The following MAST2 variants were observed in gnomAD, a reference collection of about 807,000 sequenced individuals.
MAST2 encodes microtubule associated serine/threonine kinase 2, also known as microtubule-associated serine/threonine-protein kinase 2.
In MAST2, 70 loss-of-function variants were observed where a neutral mutation model predicts 147.4. The observed-to-expected ratio is 0.47, with a 90% CI of 0.39 to 0.58. The LOEUF (loss-of-function observed/expected upper bound fraction) is 0.58, where lower values mean the gene tolerates loss of function less well. Among genes scored for constraint, MAST2 ranks in the 20% least tolerant of loss-of-function variants. The probability of loss-of-function intolerance (pLI) is 0.00; values close to 1 mark genes in which losing one functional copy is unlikely to be tolerated. For missense variants in MAST2, 2,080 were observed against 2,302.3 expected, an observed-to-expected ratio of 0.90 and a Z score of 1.98; for synonymous variants, 869 against 896.8, an observed-to-expected ratio of 0.97 and a Z score of 0.55.
chr1:46,019,571 T>G (rs754934628), intron 10 of MAST2, 25 bp from the exon 11 acceptor site: 1 of 1,598,322 alleles, frequency 6.3e-7, no homozygotes, highest in Non-Finnish European at 8.6e-7. Context: ...GCCAATAGAT[T>G]AAGCAACGCT....
chr1:45,805,052 ATTT>A (rs10681055), intron 1 of MAST2, among the ~76,000 whole-genome samples: 5 of 143,552 alleles, frequency 3.5e-5, no homozygotes, highest in African/African-American at 1.3e-4. Flanking sequence ...TTCCTTAGAC[ATTT>A]TTTTTTTTTT....
chr1:45,891,369 T>G (rs996664818), intron 4 of MAST2, among the ~76,000 whole-genome samples: 3 of 152,180 alleles, frequency 2.0e-5, no homozygotes, highest in African/African-American at 7.2e-5. Context: ...TGGTGGTGAC[T>G]GCCTGTAGTC....
chr1:45,997,867 C>T, intron 6 of MAST2, 68 bp downstream of exon 6: 1 of 1,259,576 alleles, frequency 7.9e-7, no homozygotes, highest in Non-Finnish European at 1.2e-6. Flanking sequence ...AATTGAATGT[C>T]AGATTCCTCC....
At chr1:46,001,159 G>A (rs1048703988) in intron 6 of MAST2, among the ~76,000 whole-genome samples, 8 of 152,298 alleles carry the variant, frequency 5.3e-5, no homozygotes, top group Admixed American at 2.6e-4. Flanking sequence ...TCTACCTGCT[G>A]GAACCAAGGC....
intron 4 of MAST2, among the ~76,000 whole-genome samples, chr1:45,898,763 G>T (rs889558217): frequency 6.6e-6 from 1 of 152,084 alleles, no homozygotes; most frequent in Non-Finnish European, 1.5e-5. Flanking sequence ...TACCTGAAAG[G>T]GTGCAAAAGG....
At chr1:46,000,139 C>T (rs571125268) in intron 6 of MAST2, among the ~76,000 whole-genome samples, 13 of 152,264 alleles carry the variant, frequency 8.5e-5, no homozygotes, top group African/African-American at 3.1e-4. Context: ...CATGGTGAAA[C>T]ACCATCTCTA....
chr1:46,008,278 C>G lies in MAST2; in HGVS notation c.903-18C>G. The G allele has an allele frequency of 1.3e-6, 2 of 1,574,220 alleles. No individual in the cohort carries two copies. The highest frequency in any genetic ancestry group is 1.7e-6 in the Non-Finnish European group (2 of 1,143,994). On this transcript the variant is annotated intron_variant, in intron 8 of 28. Transcript: ENST00000361297. Reference sequence around the variant, plus strand: ...TTCCATAGCACTAAAGTAACACAATCATTTCTTTCTTTTTTAGTCCCGGAC... The same window carrying G: ...TTCCATAGCACTAAAGTAACACAATGATTTCTTTCTTTTTTAGTCCCGGAC...
chr1:45,807,646 A>G (rs979408661), intron 1 of MAST2, among the ~76,000 whole-genome samples: 84 of 151,450 alleles, frequency 5.5e-4, no homozygotes, highest in African/African-American at 1.9e-3. Context: ...GGCTCAAGTG[A>G]TTCTCCAGCT....
intron 12 of MAST2, 121 bp from the exon 13 acceptor site, chr1:46,022,789 T>C (rs1198526193): frequency 5.2e-6 from 4 of 774,900 alleles, no homozygotes; most frequent in Non-Finnish European, 9.2e-6. Flanking sequence ...TGAATTCACA[T>C]CCTAGGCTGA....
At chr1:45,945,328 A>G (rs906430277) in intron 4 of MAST2, among the ~76,000 whole-genome samples, 1 of 152,208 alleles carries the variant, frequency 6.6e-6, no homozygotes, top group African/African-American at 2.4e-5. Context: ...TGATCATGGC[A>G]TGTGACAAAT....
intron 4 of MAST2, among the ~76,000 whole-genome samples, chr1:45,938,801 A>G (rs1174659488): frequency 6.6e-6 from 1 of 152,048 alleles, no homozygotes. Flanking sequence ...CATTTCCCTA[A>G]TGGGTAATGA....
chr1:45,927,480 C>G (rs1654571688), intron 4 of MAST2, among the ~76,000 whole-genome samples: 1 of 152,160 alleles, frequency 6.6e-6, no homozygotes, highest in Non-Finnish European at 1.5e-5. Context: ...TTCTCTTTCT[C>G]AGGGACGTTC....
At chr1:45,895,104 A>G (rs1447699960) in intron 4 of MAST2, among the ~76,000 whole-genome samples, 1 of 152,162 alleles carries the variant, frequency 6.6e-6, no homozygotes, top group Admixed American at 6.5e-5. Context: ...CCACTGATCT[A>G]TTGTTTGGCA....
chr1:45,962,065 C>T (rs1660502513), intron 5 of MAST2, among the ~76,000 whole-genome samples: 1 of 151,978 alleles, frequency 6.6e-6, no homozygotes, highest in African/African-American at 2.4e-5. Context: ...ATGATGGTTT[C>T]CAGCTTCATC....
intron 5 of MAST2, among the ~76,000 whole-genome samples, chr1:45,981,846 C>CTT (rs34353072): frequency 0.17 from 23,960 of 141,040 alleles, 2,145 homozygotes; most frequent in Middle Eastern, 0.19. Context: ...GTAATTTTGG[C>CTT]TTTTTTTTTT....
chr1:45,948,506 G>A (rs895691115), intron 4 of MAST2, among the ~76,000 whole-genome samples: 2 of 151,954 alleles, frequency 1.3e-5, no homozygotes, highest in Non-Finnish European at 2.9e-5. Context: ...AGGAGTTCAA[G>A]ACCAGCCTGG....
chr1:45,871,219 C>CTT (rs1430398502), intron 3 of MAST2, among the ~76,000 whole-genome samples: 2 of 132,610 alleles, frequency 1.5e-5, no homozygotes, highest in Admixed American at 1.5e-4. Context: ...CTTACTGTCC[C>CTT]CTTTTTTTTT....
intron 1 of MAST2, among the ~76,000 whole-genome samples, chr1:45,811,760 A>C (rs1432014336): frequency 6.8e-6 from 1 of 146,950 alleles, no homozygotes; most frequent in East Asian, 2.0e-4. Context: ...CAGCCTCCCG[A>C]ATAGCTGGGA....
chr1:45,817,001 G>A (rs11211198), intron 1 of MAST2, among the ~76,000 whole-genome samples: 67,660 of 151,908 alleles, frequency 0.45, 15,273 homozygotes, highest in East Asian at 0.62. Flanking sequence ...TAGTGAGCTC[G>A]AAGACAGGCT....
Sources: allele counts gnomAD v4.1 joint callset (sites outside exome capture counted in the v4.1 genomes callset), GRCh38; gene constraint gnomAD v4.1.1; transcripts MANE v1.5; gene names NCBI Gene and HGNC (gene_info 2026-07-23, HGNC 2026-07-21).